MYRIP: variants seen among roughly 807,000 people sequenced by gnomAD.
The protein encoded by MYRIP is rab effector MyRIP.
In MYRIP, 49 loss-of-function variants were observed where a neutral mutation model predicts 98.0. The observed-to-expected ratio is 0.50, with a 90% CI of 0.40 to 0.63. The LOEUF is 0.63. Ranked by LOEUF, MYRIP falls within the 30% of genes least tolerant of loss-of-function variation. The pLI is 0.00. For missense variants in MYRIP, 1,004 were observed against 1,058.2 expected (o/e 0.95, Z 0.71); for synonymous variants, 404 against 409.5 (o/e 0.99, Z 0.16).
Position 39,852,575 on chromosome 3 carries a change from A to G in MYRIP, c.-31+42659A>G, listed in dbSNP as rs375063956. 4.0e-5 allele frequency among the ~76,000 whole-genome samples: 6 copies of G among 151,330 alleles called. No individual in the cohort carries two copies. In the East Asian group the frequency reaches 1.2e-3, roughly 29 times the overall value. On this transcript the variant is annotated intron_variant, in intron 1 of 16. Coordinates refer to ENST00000302541, the MANE Select transcript of MYRIP (RefSeq NM_015460.4). ...CCCCTGAGTCCCCAAAGTCCTTTATATCATTCTTATACCTTTGTGTCCTCA... is the reference window on the plus strand; with the variant it reads ...CCCCTGAGTCCCCAAAGTCCTTTATGTCATTCTTATACCTTTGTGTCCTCA...
chr3:40,027,973 G>C (rs1315032487), intron 2 of MYRIP, among the ~76,000 whole-genome samples: 1 of 152,102 alleles, frequency 6.6e-6, no homozygotes, highest in African/African-American at 2.4e-5. Flanking sequence ...AGGGCAGGAA[G>C]CGGGAAAAAG....
intron 8 of MYRIP, among the ~76,000 whole-genome samples, chr3:40,181,478 A>G (rs1950881452): frequency 6.6e-6 from 1 of 152,196 alleles, no homozygotes; most frequent in African/African-American, 2.4e-5. Flanking sequence ...TTAATACTGT[A>G]ATCATAGATG....
intron 3 of MYRIP, among the ~76,000 whole-genome samples, chr3:40,107,205 G>C (rs1443549649): frequency 6.6e-6 from 1 of 152,168 alleles, no homozygotes; most frequent in African/African-American, 2.4e-5. Flanking sequence ...CAGGCACCAG[G>C]CCAGGCACTG....
At chr3:39,918,557 A>G (rs2125688210) in intron 2 of MYRIP, among the ~76,000 whole-genome samples, 1 of 152,348 alleles carries the variant, frequency 6.6e-6, no homozygotes, top group East Asian at 1.9e-4. Context: ...TTCTATGTGT[A>G]GGGGCTCAGG....
At chr3:39,844,089 A>C (rs566596242) in intron 1 of MYRIP, among the ~76,000 whole-genome samples, 14 of 152,296 alleles carry the variant, frequency 9.2e-5, no homozygotes, top group African/African-American at 3.4e-4. Context: ...ATAGGCATTC[A>C]AATAACATCG....
chr3:39,963,224 AATGAGATG>A (rs1286252602), intron 2 of MYRIP, among the ~76,000 whole-genome samples: 4 of 152,086 alleles, frequency 2.6e-5, no homozygotes, highest in African/African-American at 4.8e-5. Flanking sequence ...GTGCAGATTA[AATGAGATG>A]ATGTGAGTGA....
At chr3:39,927,319 C>T (rs6778087) in intron 2 of MYRIP, among the ~76,000 whole-genome samples, 77,608 of 151,674 alleles carry the variant, frequency 0.51, 21,004 homozygotes, top group African/African-American at 0.7. Flanking sequence ...CTTTTATTTG[C>T]TTCTCTTGCC....
chr3:40,207,592 C>T (rs1951819598), intron 10 of MYRIP, among the ~76,000 whole-genome samples: 1 of 152,154 alleles, frequency 6.6e-6, no homozygotes, highest in African/African-American at 2.4e-5. Context: ...TACAAACTGT[C>T]TCAAGTAAAA....
At chr3:39,879,362 T>C (rs1317849482) in intron 1 of MYRIP, among the ~76,000 whole-genome samples, 1 of 150,868 alleles carries the variant, frequency 6.6e-6, no homozygotes, top group Non-Finnish European at 1.5e-5. Flanking sequence ...TTCCTTTTTC[T>C]TTGACCTTGG....
intron 2 of MYRIP, among the ~76,000 whole-genome samples, chr3:39,904,397 G>C (rs1281885352): frequency 3.3e-5 from 5 of 151,972 alleles, no homozygotes; most frequent in African/African-American, 4.8e-5. Flanking sequence ...TCTCACACCT[G>C]GCCAATTTTT....
intron 1 of MYRIP, among the ~76,000 whole-genome samples, chr3:39,831,443 C>T (rs1033661135): frequency 1.3e-5 from 2 of 152,074 alleles, no homozygotes; most frequent in African/African-American, 2.4e-5. Flanking sequence ...TCTTAGTTGC[C>T]TAGGTCCCAA....
chr3:39,815,027 A>G (rs552233781), intron 1 of MYRIP, among the ~76,000 whole-genome samples: 15 of 152,328 alleles, frequency 9.8e-5, no homozygotes, highest in African/African-American at 3.6e-4. Context: ...CACATACTAT[A>G]CAATTCACTC....
At chr3:40,098,918 TGC>T (rs1241453630) in intron 3 of MYRIP, among the ~76,000 whole-genome samples, 15 of 151,794 alleles carry the variant, frequency 9.9e-5, no homozygotes, top group African/African-American at 3.6e-4. Flanking sequence ...TGCATGTGTG[TGC>T]GTGTGTGTGT....
intron 3 of MYRIP, among the ~76,000 whole-genome samples, chr3:40,084,483 C>G (rs1948564143): frequency 2.6e-5 from 1 of 39,038 alleles, no homozygotes. Flanking sequence ...TATTATCTAT[C>G]GGTAGATAAT....
At chr3:39,941,488 T>G (rs923069927) in intron 2 of MYRIP, among the ~76,000 whole-genome samples, 2 of 147,844 alleles carry the variant, frequency 1.4e-5, no homozygotes, top group African/African-American at 5.3e-5. Flanking sequence ...TTTAAAAATG[T>G]ATGTGTGTGT....
At chr3:39,946,790 T>C (rs1261395586) in intron 2 of MYRIP, among the ~76,000 whole-genome samples, 1 of 152,172 alleles carries the variant, frequency 6.6e-6, no homozygotes, top group East Asian at 1.9e-4. Context: ...GCCGAGCTTA[T>C]GACCCATGGA....
intron 2 of MYRIP, among the ~76,000 whole-genome samples, chr3:40,020,235 T>C (rs1319280212): frequency 1.3e-5 from 2 of 152,206 alleles, no homozygotes; most frequent in Non-Finnish European, 2.9e-5. Flanking sequence ...AGTGACAACA[T>C]GTGGTATTTG....
At chr3:40,057,993 A>G (rs1029000286) in intron 3 of MYRIP, among the ~76,000 whole-genome samples, 1 of 152,236 alleles carries the variant, frequency 6.6e-6, no homozygotes, top group Non-Finnish European at 1.5e-5. Flanking sequence ...CTTAGCTGCA[A>G]TGACTCAGAG....
intron 10 of MYRIP, among the ~76,000 whole-genome samples, chr3:40,208,392 A>C (rs928375136): frequency 6.6e-6 from 1 of 152,234 alleles, no homozygotes; most frequent in Non-Finnish European, 1.5e-5. Flanking sequence ...AGTGACCCCG[A>C]TGGTATGCCA....
Sources: gnomAD v4.1 joint callset for allele counts (sites outside exome capture counted in the v4.1 genomes callset) on GRCh38, gnomAD v4.1.1 for gene constraint, MANE v1.5 for transcripts, NCBI Gene and HGNC (gene_info 2026-07-23, HGNC 2026-07-21) for gene names.